CYFIP1: variants seen among roughly 807,000 people sequenced by gnomAD.
CYFIP1 encodes cytoplasmic FMR1 interacting protein 1.
A neutral mutation model predicts 163.5 loss-of-function variants in CYFIP1; 58 were observed. That is an observed-to-expected ratio of 0.35 (90% CI 0.29 to 0.44). The LOEUF (loss-of-function observed/expected upper bound fraction) is 0.44, where lower values mean the gene tolerates loss of function less well. Ranked by LOEUF, CYFIP1 falls within the 20% of genes least tolerant of loss-of-function variation. The pLI is 1.00. For missense variants in CYFIP1, 1,338 were observed against 1,653.8 expected (o/e 0.81, Z 3.31); for synonymous variants, 663 against 660.7 (o/e 1.00, Z -0.05).
At chr15:22,913,610 A>AC (rs2060867740) in intron 17 of CYFIP1, among the ~76,000 whole-genome samples, 3 of 140,494 alleles carry the variant, frequency 2.1e-5, no homozygotes, top group African/African-American at 8.7e-5. Context: ...AGCATTAAAA[A>AC]AAAAAAAAAA....
chr15:22,882,149 G>T (rs570220064), intron 24 of CYFIP1, among the ~76,000 whole-genome samples: 1 of 152,332 alleles, frequency 6.6e-6, no homozygotes, highest in Non-Finnish European at 1.5e-5. Context: ...TCTGAAACTG[G>T]ACTCCTCTTT....
At chr15:22,940,039 C>T (rs2061847091) in intron 6 of CYFIP1, among the ~76,000 whole-genome samples, 1 of 152,182 alleles carries the variant, frequency 6.6e-6, no homozygotes, top group Admixed American at 6.5e-5. Context: ...GTAGCTACAC[C>T]CGTACGTGAG....
intron 12 of CYFIP1, 131 bp downstream of exon 12, chr15:22,927,775 G>T: frequency 1.1e-6 from 1 of 874,378 alleles, no homozygotes; most frequent in Non-Finnish European, 1.6e-6. Context: ...AATCACCTTG[G>T]AAACATATCT....
intron 1 of CYFIP1, among the ~76,000 whole-genome samples, chr15:22,947,677 G>C (rs1004534414): frequency 3.9e-5 from 6 of 152,142 alleles, no homozygotes; most frequent in Admixed American, 2.6e-4. Flanking sequence ...CCTCTCCAAT[G>C]CCACATCTGC....
At chr15:22,946,706 T>G (rs1242394126) in intron 3 of CYFIP1, 1 of 567,930 alleles carries the variant, frequency 1.8e-6, no homozygotes, top group Admixed American at 2.6e-5. Context: ...TATGGGCACA[T>G]ACCTGGTGTG....
In CYFIP1 at chr15:22,873,472, G is replaced by A. The variant is rs2059493149; in HGVS notation, c.3449+19C>T. The A allele has an allele frequency of 6.3e-7, 1 of 1,599,556 alleles. No homozygotes were observed. The highest frequency in any genetic ancestry group is 1.3e-5 in the African/African-American group (1 of 74,772). On this transcript the variant is annotated intron_variant, in intron 29 of 30. Transcript: ENST00000617928. ...CTCCCCTCCTCTGGGGCTTTGTCCTGCTCTCAGCACACACTTACTCGACTG... is the reference window on the plus strand; with the variant it reads ...CTCCCCTCCTCTGGGGCTTTGTCCTACTCTCAGCACACACTTACTCGACTG...
intron 13 of CYFIP1, among the ~76,000 whole-genome samples, chr15:22,923,459 T>C (rs1454547048): frequency 6.6e-6 from 1 of 152,134 alleles, no homozygotes; most frequent in Non-Finnish European, 1.5e-5. Context: ...CAAAAAGACA[T>C]ACAATAACAA....
At chr15:22,899,609 G>T (rs574019362) in intron 22 of CYFIP1, among the ~76,000 whole-genome samples, 23 of 152,276 alleles carry the variant, frequency 1.5e-4, no homozygotes, top group African/African-American at 4.8e-4. Context: ...CCATGATTGT[G>T]AGGCCTCGCC....
At chr15:22,943,782 T>A (rs1054638485) in intron 5 of CYFIP1, among the ~76,000 whole-genome samples, 6 of 152,128 alleles carry the variant, frequency 3.9e-5, no homozygotes, top group African/African-American at 1.2e-4. Flanking sequence ...AAGGACATCA[T>A]CATAAAAAAT....
At chr15:22,881,226 C>T (rs918868020) in intron 25 of CYFIP1, among the ~76,000 whole-genome samples, 2 of 152,206 alleles carry the variant, frequency 1.3e-5, no homozygotes, top group Non-Finnish European at 2.9e-5. Context: ...AGGCTCAAGT[C>T]GCTTTACAAC....
chr15:22,883,207 TAGAAA>T (rs943184540), intron 23 of CYFIP1, among the ~76,000 whole-genome samples, 196 bp from the exon 24 acceptor site: 45 of 152,222 alleles, frequency 3.0e-4, no homozygotes, highest in African/African-American at 9.6e-4. Context: ...CCTGCTAAAA[TAGAAA>T]AGAAAAGAAA....
chr15:22,943,436 C>T lies in CYFIP1; in HGVS notation c.388-82G>A. 4 of 1,429,408 alleles carry T rather than the reference C, an allele frequency of 2.8e-6. No individual in the cohort carries two copies. In the South Asian group the frequency reaches 5.2e-5, roughly 18 times the overall value. The allele number at this position is 1,429,408 out of a possible 1,614,324, so 88.5% of individuals were successfully genotyped here. On this transcript the variant is annotated intron_variant, in intron 5 of 30. Coordinates refer to ENST00000617928, the MANE Select transcript of CYFIP1 (RefSeq NM_014608.6). ...TGTCCCTCCTTCAAGCACCTGCAGTCACTGCTCCTCGATGAGAAACGATCT... is the reference window on the plus strand; with the variant it reads ...TGTCCCTCCTTCAAGCACCTGCAGTTACTGCTCCTCGATGAGAAACGATCT...
chr15:22,934,095 A>G (rs1385692694), intron 9 of CYFIP1, among the ~76,000 whole-genome samples: 1 of 151,572 alleles, frequency 6.6e-6, no homozygotes, highest in Non-Finnish European at 1.5e-5. Flanking sequence ...CAACATCTAT[A>G]AAAACTATTC....
chr15:22,892,932 A>C lies in CYFIP1; in HGVS notation c.2634T>G (p.Asp878Glu). ...VLPFSQEFQR[D>E]KQPNAQPQYL... ...ACTGAGGCTGTGCATTAGGCTGCTT[A>C]TCTCTTTGAAATTCCTGAGAAAATG... is the stretch of plus-strand genomic sequence containing the variant. The change falls in exon 23 of 31, where the codon GAT (aspartate) becomes GAG (glutamate). Residue 878 changes from aspartate to glutamate, a missense_variant. Transcript: ENST00000617928. 6.2e-7 allele frequency: 1 copy of C among 1,613,904 alleles called. No homozygotes were observed. Among genetic ancestry groups the C allele is most frequent in the Non-Finnish European group, 8.5e-7 (1 of 1,179,810 alleles).
At chr15:22,872,059 C>T (rs1237741435) in intron 30 of CYFIP1, among the ~76,000 whole-genome samples, 1 of 152,080 alleles carries the variant, frequency 6.6e-6, no homozygotes, top group Non-Finnish European at 1.5e-5. Context: ...GTGGGCGGAT[C>T]ACCTTATGTC....
rs1049780203 is a variant in CYFIP1 at position 22,867,124 on chromosome 15, T to TGACA, written c.*2900_*2903dup. Reference sequence around the variant, plus strand: ...CTTCTCCAAAAGCCGAATGCACTAATGACAGTTTTAAGTCTATGAAAATGC... The same window carrying TGACA: ...CTTCTCCAAAAGCCGAATGCACTAATGACAGACAGTTTTAAGTCTATGAAAATGC... On this transcript the variant is annotated 3_prime_UTR_variant, in exon 31 of 31. Transcript: ENST00000617928. 3.3e-5 allele frequency: 16 copies of TGACA among 484,848 alleles called. No homozygotes were observed. The highest frequency in any genetic ancestry group is 7.6e-5 in the Admixed American group (2 of 26,488). The allele number at this position is 484,848 out of a possible 1,614,324, so 30.0% of individuals were successfully genotyped here. A position where few individuals can be genotyped will look rare whatever the true frequency, so the allele number is the denominator to read the frequency against.
Position 22,941,096 on chromosome 15 carries a change from C to T in CYFIP1, c.570-1589G>A, listed in dbSNP as rs550818059. ...ATAGACACAGGGTCTCACTCTGTCACCCAGGCTGGAATACAGTGGTACAAT... is the reference window on the plus strand; with the variant it reads ...ATAGACACAGGGTCTCACTCTGTCATCCAGGCTGGAATACAGTGGTACAAT... On this transcript the variant is annotated intron_variant, in intron 6 of 30. Transcript: ENST00000617928. Among the ~76,000 whole-genome samples, 6 of 152,250 alleles carry T rather than the reference C, an allele frequency of 3.9e-5. No individual in the cohort carries two copies. In the South Asian group the frequency reaches 1.2e-3, roughly 32 times the overall value.
At chr15:22,927,708 A>ATT (rs371907972) in intron 12 of CYFIP1, among the ~76,000 whole-genome samples, 198 bp downstream of exon 12, 1 of 151,834 alleles carries the variant, frequency 6.6e-6, no homozygotes, top group South Asian at 2.1e-4. Flanking sequence ...TTCTATCAAG[A>ATT]TTTTTTTTAA....
intron 3 of CYFIP1, 111 bp from the exon 4 acceptor site, chr15:22,945,050 G>T (rs878913554): frequency 1.8e-4 from 179 of 1,008,478 alleles, no homozygotes; most frequent in Middle Eastern, 1.4e-3. Flanking sequence ...AAGCACTGTG[G>T]CCTGTGTGCC....
Sources: gnomAD v4.1 joint callset for allele counts (sites outside exome capture counted in the v4.1 genomes callset) on GRCh38, gnomAD v4.1.1 for gene constraint, MANE v1.5 for transcripts, NCBI Gene and HGNC (gene_info 2026-07-23, HGNC 2026-07-21) for gene names.